The following PLCB4 variants were observed in gnomAD, a reference collection of about 807,000 sequenced individuals.
PLCB4 encodes the protein phospholipase C beta 4.
In PLCB4, 77 loss-of-function variants were observed where a neutral mutation model predicts 178.8. The observed-to-expected ratio is 0.43, with a 90% CI of 0.36 to 0.52. PLCB4 has a LOEUF of 0.52. PLCB4 is among the 20% of genes least tolerant of loss of function. PLCB4 has a pLI of 0.00. For missense variants in PLCB4, 1,024 were observed against 1,453.4 expected (o/e 0.70, Z 4.80); for synonymous variants, 496 against 490.8 (o/e 1.01, Z -0.14).
intron 4 of PLCB4, among the ~76,000 whole-genome samples, chr20:9,322,682 T>C (rs1371354730): frequency 6.6e-6 from 1 of 152,246 alleles, no homozygotes; most frequent in Non-Finnish European, 1.5e-5. Context: ...AAAAGGAGAC[T>C]AGTTTTTGAA....
intron 17 of PLCB4, among the ~76,000 whole-genome samples, chr20:9,393,055 C>T (rs575063978): frequency 6.6e-6 from 1 of 152,218 alleles, no homozygotes; most frequent in East Asian, 1.9e-4. Flanking sequence ...AGTTCAGATT[C>T]CAGGAATTGG....
At chr20:9,133,210 T>C (rs749894083) in intron 2 of PLCB4, among the ~76,000 whole-genome samples, 1 of 152,158 alleles carries the variant, frequency 6.6e-6, no homozygotes, top group African/African-American at 2.4e-5. Flanking sequence ...AGTCTGTGGG[T>C]TTTATCATTG....
intron 3 of PLCB4, among the ~76,000 whole-genome samples, chr20:9,249,938 A>G (rs1417578124): frequency 6.6e-6 from 1 of 152,196 alleles, no homozygotes; most frequent in Admixed American, 6.5e-5. Context: ...TCTGTATCCA[A>G]GGAATGCATT....
intron 2 of PLCB4, among the ~76,000 whole-genome samples, chr20:9,174,745 A>T (rs1198978677): frequency 1.3e-5 from 2 of 152,160 alleles, no homozygotes; most frequent in Non-Finnish European, 2.9e-5. Flanking sequence ...CTGGAAAATG[A>T]TATACATTTT....
At chr20:9,251,334 C>A (rs1303063176) in intron 3 of PLCB4, among the ~76,000 whole-genome samples, 6 of 152,152 alleles carry the variant, frequency 3.9e-5, no homozygotes, top group African/African-American at 1.4e-4. Flanking sequence ...CAGTCCCCAT[C>A]CTTGATTTTG....
At chr20:9,232,431 T>A (rs6118539) in intron 3 of PLCB4, among the ~76,000 whole-genome samples, 11,233 of 152,188 alleles carry the variant, frequency 0.074, 904 homozygotes, top group African/African-American at 0.2. Flanking sequence ...GTTTAGGGAT[T>A]ATTCATTTGT....
At chr20:9,363,785 G>T (rs2035544305) in intron 8 of PLCB4, among the ~76,000 whole-genome samples, 1 of 152,212 alleles carries the variant, frequency 6.6e-6, no homozygotes, top group Non-Finnish European at 1.5e-5. Context: ...ACCATGTTGA[G>T]AAATTGCAGG....
intron 3 of PLCB4, among the ~76,000 whole-genome samples, chr20:9,277,970 C>A (rs941194317): frequency 6.6e-6 from 1 of 152,024 alleles, no homozygotes; most frequent in Admixed American, 6.6e-5. Flanking sequence ...AGACCAAGTG[C>A]AGCCACAACA....
In PLCB4 at chr20:9,215,767, C is replaced by CA. The variant is rs1195914345; in HGVS notation, c.-78-1622dup. ...CCCTAGAGGGAGCTAGAGGTAGCCACACTCAGTGTTTCTTGTTTTCCCTCC... is the reference window on the plus strand; with the variant it reads ...CCCTAGAGGGAGCTAGAGGTAGCCACAACTCAGTGTTTCTTGTTTTCCCTCC... On this transcript the variant is annotated intron_variant, in intron 2 of 39. Coordinates refer to ENST00000378473, the MANE Select transcript of PLCB4 (RefSeq NM_001377142.1). Among the ~76,000 whole-genome samples, 21 of 152,322 alleles carry CA rather than the reference C, an allele frequency of 1.4e-4. No homozygotes were observed. In the South Asian group the frequency reaches 4.1e-3, roughly 30 times the overall value.
At chr20:9,207,247 T>C (rs1302439113) in intron 2 of PLCB4, among the ~76,000 whole-genome samples, 1 of 151,932 alleles carries the variant, frequency 6.6e-6, no homozygotes, top group Non-Finnish European at 1.5e-5. Flanking sequence ...AACAGGACAC[T>C]GGGGCTGAGA....
chr20:9,110,718 A>G (rs1244631103), intron 2 of PLCB4, among the ~76,000 whole-genome samples: 2 of 152,110 alleles, frequency 1.3e-5, no homozygotes, highest in Non-Finnish European at 2.9e-5. Flanking sequence ...CTTTTCTCCA[A>G]CTTAGTGTGT....
At chr20:9,323,320 G>T (rs1391774052) in intron 4 of PLCB4, among the ~76,000 whole-genome samples, 1 of 152,142 alleles carries the variant, frequency 6.6e-6, no homozygotes, top group Non-Finnish European at 1.5e-5. Flanking sequence ...ACAGGCTCCT[G>T]ACCCTTCTGG....
In PLCB4 at chr20:9,178,648, A is replaced by G. The variant is rs1208766646; in HGVS notation, c.-78-38742A>G. Among the ~76,000 whole-genome samples, 5 of 151,678 alleles carry G rather than the reference A, an allele frequency of 3.3e-5. No homozygotes were observed. In the East Asian group the frequency reaches 9.6e-4, roughly 29 times the overall value. ...TATGATATTTATGTGGTTTTTGTCAATTGCCTACCAGTGAAAACTTTAGTA... is the reference window on the plus strand; with the variant it reads ...TATGATATTTATGTGGTTTTTGTCAGTTGCCTACCAGTGAAAACTTTAGTA... On this transcript the variant is annotated intron_variant, in intron 2 of 39. Transcript: ENST00000378473.
rs188699198 is a variant in PLCB4, at chr20:9,170,406, T to C, written c.-78-46984T>C. 2.4e-3 allele frequency among the ~76,000 whole-genome samples: 364 copies of C among 152,330 alleles called. 3 individuals are homozygous for C. Among genetic ancestry groups the C allele is most frequent in the African/African-American group, 8.1e-3 (335 of 41,592 alleles). ...GTACAGATGTTTTCCAATGACTTTA[T>C]TGATTCTTATCATGTTTTATGAGAT... is the stretch of plus-strand genomic sequence containing the variant. On this transcript the variant is annotated intron_variant, in intron 2 of 39. Coordinates refer to ENST00000378473, the MANE Select transcript of PLCB4 (RefSeq NM_001377142.1).
intron 18 of PLCB4, among the ~76,000 whole-genome samples, chr20:9,394,128 T>C (rs1235046697): frequency 6.6e-6 from 1 of 152,206 alleles, no homozygotes; most frequent in Non-Finnish European, 1.5e-5. Context: ...AATGATTTTA[T>C]ATAAACATGT....
At chr20:9,219,114 T>C (rs1347184005) in intron 3 of PLCB4, among the ~76,000 whole-genome samples, 1 of 152,216 alleles carries the variant, frequency 6.6e-6, no homozygotes, top group Non-Finnish European at 1.5e-5. Context: ...TTTTGTTAAA[T>C]ATTTTAAGTT....
chr20:9,171,018 C>A (rs920089640), intron 2 of PLCB4, among the ~76,000 whole-genome samples: 1 of 152,124 alleles, frequency 6.6e-6, no homozygotes, highest in Non-Finnish European at 1.5e-5. Flanking sequence ...CATGAAACTC[C>A]CATTTTTGGT....
chr20:9,094,941 A>G (rs576433328), intron 1 of PLCB4, among the ~76,000 whole-genome samples: 45 of 152,240 alleles, frequency 3.0e-4, no homozygotes, highest in Non-Finnish European at 5.3e-4. Flanking sequence ...TACCATCACT[A>G]TACTATATTG....
intron 2 of PLCB4, among the ~76,000 whole-genome samples, chr20:9,173,856 T>G (rs1020723940): frequency 6.6e-6 from 1 of 152,098 alleles, no homozygotes; most frequent in African/African-American, 2.4e-5. Context: ...CAAATTCACT[T>G]CCCCACTTCC....
Sources: gnomAD v4.1 joint callset for allele counts (sites outside exome capture counted in the v4.1 genomes callset) on GRCh38, gnomAD v4.1.1 for gene constraint, MANE v1.5 for transcripts, NCBI Gene and HGNC (gene_info 2026-07-23, HGNC 2026-07-21) for gene names.